EDIL3: variants seen among roughly 807,000 people sequenced by gnomAD.
EDIL3 encodes the protein EGF like and discoidin domains 3.
Under a neutral mutation model 67.4 loss-of-function variants are expected in EDIL3, and 37 were observed. The observed-to-expected ratio is 0.55, with a 90% CI of 0.42 to 0.72. EDIL3 has a LOEUF of 0.72. EDIL3 is among the 30% of genes least tolerant of loss of function. The pLI, the probability that EDIL3 is intolerant of heterozygous loss-of-function variation, is 0.00. For missense variants in EDIL3, 527 were observed against 586.3 expected (o/e 0.90, Z 1.04); for synonymous variants, 195 against 196.3 (o/e 0.99, Z 0.05).
chr5:84,099,791 G>A (rs987747156), intron 6 of EDIL3, among the ~76,000 whole-genome samples: 2 of 151,904 alleles, frequency 1.3e-5, no homozygotes, highest in African/African-American at 4.8e-5. Flanking sequence ...GAGTGAACAG[G>A]AAACCTACAG....
rs980546034 is a variant in EDIL3, at chr5:84,099,407, C to A, written c.651+7242G>T. On this transcript the variant is annotated intron_variant, in intron 6 of 10. Coordinates refer to ENST00000296591, the MANE Select transcript of EDIL3 (RefSeq NM_005711.5). ...ATAGACCAATGGAACAGAACAGAGGCCTCAGAAATAATGCCACACATCTAC... is the reference window on the plus strand; with the variant it reads ...ATAGACCAATGGAACAGAACAGAGGACTCAGAAATAATGCCACACATCTAC... Among the ~76,000 whole-genome samples the A allele has an allele frequency of 4.3e-4, 65 of 152,000 alleles. 1 individual carries two copies. Among genetic ancestry groups the A allele is most frequent in the Admixed American group, 5.2e-4 (8 of 15,250 alleles).
intron 9 of EDIL3, among the ~76,000 whole-genome samples, chr5:84,014,672 A>T (rs753136777): frequency 1.7e-4 from 26 of 152,188 alleles, no homozygotes; most frequent in South Asian, 4.1e-4. Flanking sequence ...ACAAACAAAA[A>T]GTCTTTGATC....
chr5:83,944,534 G>A (rs1744279735), intron 10 of EDIL3, among the ~76,000 whole-genome samples: 1 of 151,312 alleles, frequency 6.6e-6, no homozygotes, highest in Non-Finnish European at 1.5e-5. Flanking sequence ...GATAGGAATG[G>A]CATTAAATTA....
At chr5:84,310,991 T>C (rs1746375717) in intron 1 of EDIL3, among the ~76,000 whole-genome samples, 1 of 152,172 alleles carries the variant, frequency 6.6e-6, no homozygotes, top group African/African-American at 2.4e-5. Context: ...ATGTCTGTTT[T>C]TTTTTTCCAC....
At chr5:84,160,648 C>T (rs1444114585) in intron 4 of EDIL3, among the ~76,000 whole-genome samples, 1 of 152,046 alleles carries the variant, frequency 6.6e-6, no homozygotes, top group Non-Finnish European at 1.5e-5. Flanking sequence ...CTTTCCATTG[C>T]TCCCAGTTAT....
intron 3 of EDIL3, among the ~76,000 whole-genome samples, chr5:84,184,916 G>A (rs2112361665): frequency 1.3e-5 from 2 of 152,276 alleles, no homozygotes; most frequent in East Asian, 3.9e-4. Flanking sequence ...TATGGCTGCT[G>A]TTATTTTTCC....
intron 4 of EDIL3, among the ~76,000 whole-genome samples, chr5:84,173,872 G>C (rs1312292917): frequency 5.3e-5 from 8 of 152,148 alleles, no homozygotes; most frequent in Admixed American, 5.2e-4. Context: ...AGTGAAGCAT[G>C]CTATCTATGC....
chr5:84,198,233 T>A (rs1306857879), intron 3 of EDIL3, among the ~76,000 whole-genome samples: 1 of 151,526 alleles, frequency 6.6e-6, no homozygotes, highest in Non-Finnish European at 1.5e-5. Context: ...TCTAGTTGTA[T>A]GTGGGTCAAG....
intron 2 of EDIL3, among the ~76,000 whole-genome samples, chr5:84,240,393 T>C (rs1459080046): frequency 6.6e-6 from 1 of 152,142 alleles, no homozygotes; most frequent in Non-Finnish European, 1.5e-5. Context: ...TTGAAGACTA[T>C]ATTTTGGTTC....
chr5:84,239,593 A>G (rs192585219), intron 2 of EDIL3, among the ~76,000 whole-genome samples: 5 of 152,314 alleles, frequency 3.3e-5, no homozygotes, highest in Admixed American at 3.3e-4. Context: ...TTATGGACCA[A>G]TTCCTAGAGT....
At chr5:84,178,351 A>G (rs1460056633) in intron 4 of EDIL3, among the ~76,000 whole-genome samples, 1 of 152,182 alleles carries the variant, frequency 6.6e-6, no homozygotes, top group Non-Finnish European at 1.5e-5. Flanking sequence ...CTAAATATCT[A>G]GGTCATAAAA....
In EDIL3 at chr5:83,990,678, C is replaced by T. The variant is rs770006596; in HGVS notation, c.1138-27318G>A. Among the ~76,000 whole-genome samples the T allele has an allele frequency of 1.5e-4, 23 of 151,640 alleles. 1 individual carries two copies. Among genetic ancestry groups the T allele is most frequent in the African/African-American group, 1.2e-4 (5 of 41,392 alleles). On this transcript the variant is annotated intron_variant, in intron 9 of 10. Coordinates refer to ENST00000296591, the MANE Select transcript of EDIL3 (RefSeq NM_005711.5). The stretch of plus-strand genomic sequence containing the variant: ...GGTGGATTAATTGAGGTCAGGAGTT[C>T]GAGACCAGCCTGCCCAACATGGTGA...
rs572390996 is a variant in EDIL3 at position 84,341,960 on chromosome 5, G to A, written c.67+42348C>T. 1.2e-3 allele frequency among the ~76,000 whole-genome samples: 182 copies of A among 152,026 alleles called. 1 individual carries two copies. The highest frequency in any genetic ancestry group is 4.2e-3 in the African/African-American group (175 of 41,486). ...CTTATCACATGAGATCAGGCACACTGTGCTATGGCCATAGACCTACCATTG... is the reference window on the plus strand; with the variant it reads ...CTTATCACATGAGATCAGGCACACTATGCTATGGCCATAGACCTACCATTG... On this transcript the variant is annotated intron_variant, in intron 1 of 10. Coordinates refer to ENST00000296591, the MANE Select transcript of EDIL3 (RefSeq NM_005711.5).
At chr5:84,105,033 G>T (rs1482806690) in intron 6 of EDIL3, among the ~76,000 whole-genome samples, 1 of 152,036 alleles carries the variant, frequency 6.6e-6, no homozygotes, top group Non-Finnish European at 1.5e-5. Context: ...GAATATTAAT[G>T]TCTAAAGTTT....
chr5:83,957,873 A>G (rs1430440221), intron 10 of EDIL3, among the ~76,000 whole-genome samples: 3 of 151,592 alleles, frequency 2.0e-5, no homozygotes, highest in African/African-American at 7.3e-5. Context: ...TTTTTCTCAC[A>G]TGGAATCTGC....
intron 6 of EDIL3, among the ~76,000 whole-genome samples, chr5:84,098,379 A>G (rs1354232295): frequency 5.9e-5 from 9 of 152,158 alleles, no homozygotes; most frequent in Non-Finnish European, 4.4e-5. Context: ...TATAAATAAT[A>G]GACTTAGGTG....
chr5:84,175,521 A>C (rs1405644158), intron 4 of EDIL3, among the ~76,000 whole-genome samples: 1 of 152,232 alleles, frequency 6.6e-6, no homozygotes, highest in Non-Finnish European at 1.5e-5. Context: ...TTAGAGAAGC[A>C]GGACAAAGGA....
At chr5:84,030,217 AC>A (rs1326208995) in intron 9 of EDIL3, among the ~76,000 whole-genome samples, 1 of 152,188 alleles carries the variant, frequency 6.6e-6, no homozygotes, top group Non-Finnish European at 1.5e-5. Context: ...TTATTTGTGC[AC>A]TTTTAGTTCA....
chr5:84,342,772 G>T (rs1388412511), intron 1 of EDIL3, among the ~76,000 whole-genome samples: 1 of 151,930 alleles, frequency 6.6e-6, no homozygotes, highest in African/African-American at 2.4e-5. Context: ...CTGAATAAGT[G>T]TTTGTTTCAT....
Sources: allele counts gnomAD v4.1 joint callset (sites outside exome capture counted in the v4.1 genomes callset), GRCh38; gene constraint gnomAD v4.1.1; transcripts MANE v1.5; gene names NCBI Gene and HGNC (gene_info 2026-07-23, HGNC 2026-07-21).